SDK1: variants seen among roughly 807,000 people sequenced by gnomAD.
The protein encoded by SDK1 is sidekick cell adhesion molecule 1.
In SDK1, 157 loss-of-function variants were observed where a neutral mutation model predicts 245.5. That is an observed-to-expected ratio of 0.64 (90% CI 0.56 to 0.73). SDK1 has a LOEUF of 0.73. Ranked by LOEUF, SDK1 falls within the 30% of genes least tolerant of loss-of-function variation. SDK1 has a pLI of 0.00. For synonymous variants in SDK1, 1,647 were observed against 1,278.5 expected (o/e 1.29, Z -6.15); for missense variants, 3,583 against 3,002.3 (o/e 1.19, Z -4.52).
chr7:3,646,865 C>A (rs1245934017), intron 4 of SDK1, among the ~76,000 whole-genome samples: 3 of 152,078 alleles, frequency 2.0e-5, no homozygotes, highest in South Asian at 2.1e-4. Flanking sequence ...AGGTTAAATA[C>A]CTTATGATTC....
chr7:3,964,346 C>G (rs963396011), intron 9 of SDK1, among the ~76,000 whole-genome samples: 2 of 152,328 alleles, frequency 1.3e-5, no homozygotes, highest in Middle Eastern at 3.4e-3. Flanking sequence ...TCTTCCCGCA[C>G]TAAGCCCTCC....
intron 17 of SDK1, among the ~76,000 whole-genome samples, chr7:4,029,743 G>A (rs1048698254): frequency 5.3e-5 from 8 of 152,124 alleles, no homozygotes; most frequent in Admixed American, 1.3e-4. Flanking sequence ...GGGCAGTACC[G>A]TCTGTGACTT....
chr7:3,701,475 C>A (rs1468054973), intron 4 of SDK1, among the ~76,000 whole-genome samples: 2 of 152,120 alleles, frequency 1.3e-5, no homozygotes, highest in African/African-American at 4.8e-5. Flanking sequence ...TAGCACGTGC[C>A]TGTAGTCCCA....
chr7:4,224,153 C>T (rs1372251066), intron 40 of SDK1, among the ~76,000 whole-genome samples: 1 of 152,192 alleles, frequency 6.6e-6, no homozygotes, highest in Non-Finnish European at 1.5e-5. Context: ...TGATCGTAGG[C>T]ATTACCAGTT....
At chr7:3,508,866 A>G (rs1422620789) in intron 1 of SDK1, among the ~76,000 whole-genome samples, 2 of 152,230 alleles carry the variant, frequency 1.3e-5, no homozygotes, top group Non-Finnish European at 2.9e-5. Context: ...GGGGATGGAT[A>G]AATGAAGGAA....
At chr7:3,856,545 C>G (rs1780551030) in intron 5 of SDK1, among the ~76,000 whole-genome samples, 1 of 146,176 alleles carries the variant, frequency 6.8e-6, no homozygotes, top group South Asian at 2.2e-4. Flanking sequence ...AATCCCAGTA[C>G]TTTGGGAGGC....
rs1407661488 is a variant in SDK1, at chr7:3,705,690, G to T, written c.713+63585G>T. The stretch of plus-strand genomic sequence containing the variant: ...AGGGTTTTCTAGTTATGTGACCATG[G>T]CATTGGCAGACAGCAATAATTTGAC... On this transcript the variant is annotated intron_variant, in intron 4 of 44. Transcript: ENST00000404826. Among the ~76,000 whole-genome samples, 3 of 151,916 alleles carry T rather than the reference G, an allele frequency of 2.0e-5. No homozygotes were observed. In the East Asian group the frequency reaches 5.8e-4, roughly 29 times the overall value.
chr7:3,722,098 T>C (rs1778828576), intron 4 of SDK1, among the ~76,000 whole-genome samples: 2 of 152,088 alleles, frequency 1.3e-5, no homozygotes, highest in Non-Finnish European at 2.9e-5. Flanking sequence ...CAGGCTGGTC[T>C]TGAACTCCTG....
chr7:4,130,822 C>G (rs1181334375), intron 27 of SDK1, among the ~76,000 whole-genome samples: 1 of 152,110 alleles, frequency 6.6e-6, no homozygotes, highest in Non-Finnish European at 1.5e-5. Context: ...AAATGCGGAT[C>G]TCTCCCGCCA....
intron 1 of SDK1, among the ~76,000 whole-genome samples, chr7:3,515,949 TGTA>T (rs1201500497): frequency 2.6e-5 from 4 of 152,126 alleles, no homozygotes; most frequent in Admixed American, 6.6e-5. Context: ...AAAATGTTCA[TGTA>T]GTATAATTAG....
intron 2 of SDK1, among the ~76,000 whole-genome samples, chr7:3,633,932 C>G (rs1365946610): frequency 6.6e-6 from 1 of 152,074 alleles, no homozygotes; most frequent in South Asian, 2.1e-4. Context: ...AGCCACTGCC[C>G]TAGTTGGCAC....
intron 4 of SDK1, among the ~76,000 whole-genome samples, chr7:3,803,981 G>A (rs1176544004): frequency 2.0e-5 from 3 of 152,032 alleles, no homozygotes; most frequent in Admixed American, 6.5e-5. Flanking sequence ...AGCCAGGATG[G>A]TCTCGATCTC....
chr7:3,738,101 T>C (rs1291551716), intron 4 of SDK1, among the ~76,000 whole-genome samples: 2 of 152,244 alleles, frequency 1.3e-5, no homozygotes, highest in Non-Finnish European at 2.9e-5. Flanking sequence ...CCTTTTCTTG[T>C]TACATCCAAG....
intron 16 of SDK1, 137 bp from the exon 17 acceptor site, chr7:4,017,034 T>G: frequency 1.4e-6 from 1 of 709,120 alleles, no homozygotes. Context: ...GAAATAGTAT[T>G]GTTTAGGGCT....
At chr7:3,453,831 T>G (rs1780594721) in intron 1 of SDK1, among the ~76,000 whole-genome samples, 1 of 152,180 alleles carries the variant, frequency 6.6e-6, no homozygotes, top group Non-Finnish European at 1.5e-5. Flanking sequence ...AATGATCTCC[T>G]GGACTCAAGT....
At chr7:3,670,808 G>C (rs1209946543) in intron 4 of SDK1, among the ~76,000 whole-genome samples, 1 of 152,166 alleles carries the variant, frequency 6.6e-6, no homozygotes, top group African/African-American at 2.4e-5. Flanking sequence ...TTGTAGATCA[G>C]TTAACATTTA....
At chr7:3,495,252 CTTTTTTTT>C (rs71029675) in intron 1 of SDK1, among the ~76,000 whole-genome samples, 29 of 99,770 alleles carry the variant, frequency 2.9e-4, no homozygotes, top group Admixed American at 1.8e-3. Context: ...CATAATGGTT[CTTTTTTTT>C]TTTTTTTTTT....
At chr7:3,433,085 C>G (rs1779914310) in intron 1 of SDK1, among the ~76,000 whole-genome samples, 1 of 152,206 alleles carries the variant, frequency 6.6e-6, no homozygotes, top group African/African-American at 2.4e-5. Flanking sequence ...GTTGCAAAAC[C>G]TATCCCCAGA....
intron 1 of SDK1, among the ~76,000 whole-genome samples, chr7:3,378,536 C>T (rs777379586): frequency 5.9e-5 from 9 of 152,074 alleles, no homozygotes; most frequent in Non-Finnish European, 1.3e-4. Flanking sequence ...ACCTTGAGGT[C>T]GGGCAGGGAT....
Sources: gnomAD v4.1 joint callset for allele counts (sites outside exome capture counted in the v4.1 genomes callset) on GRCh38, gnomAD v4.1.1 for gene constraint, MANE v1.5 for transcripts, NCBI Gene and HGNC (gene_info 2026-07-23, HGNC 2026-07-21) for gene names.